The following MTSS1 variants were observed in gnomAD, a reference collection of about 807,000 sequenced individuals.
MTSS1 encodes protein MTSS 1.
Under a neutral mutation model 79.0 loss-of-function variants are expected in MTSS1, and 18 were observed. The observed-to-expected ratio is 0.23, with a 90% CI of 0.16 to 0.34. The LOEUF (loss-of-function observed/expected upper bound fraction) is 0.34. Among genes scored for constraint, MTSS1 ranks in the 10% least tolerant of loss-of-function variants. The pLI is 1.00. For synonymous variants in MTSS1, 341 were observed against 368.6 expected (o/e 0.93, Z 0.86); for missense variants, 815 against 986.2 (o/e 0.83, Z 2.33).
At chr8:124,673,932 C>T (rs1824783706) in intron 3 of MTSS1, among the ~76,000 whole-genome samples, 1 of 152,116 alleles carries the variant, frequency 6.6e-6, no homozygotes, top group Admixed American at 6.5e-5. Flanking sequence ...ATGGCCCTTG[C>T]TCCAGACACA....
intron 10 of MTSS1, 81 bp from the exon 11 acceptor site, chr8:124,557,956 G>T: frequency 1.8e-6 from 2 of 1,106,272 alleles, no homozygotes; most frequent in South Asian, 1.6e-5. Context: ...AAATGGCATT[G>T]ACATTCAAGG....
At chr8:124,640,591 T>C (rs1173762509) in intron 3 of MTSS1, among the ~76,000 whole-genome samples, 1 of 152,240 alleles carries the variant, frequency 6.6e-6, no homozygotes, top group Non-Finnish European at 1.5e-5. Flanking sequence ...TCACCCAGGC[T>C]GGAGTGCAAT....
chr8:124,564,133 A>C, intron 9 of MTSS1, among the ~76,000 whole-genome samples: 1 of 148,680 alleles, frequency 6.7e-6, no homozygotes, highest in Non-Finnish European at 1.5e-5. Flanking sequence ...CGATCTCAAA[A>C]AAAAAAAAAA....
intron 12 of MTSS1, 160 bp from the exon 13 acceptor site, chr8:124,556,064 C>T (rs1823670316): frequency 6.5e-7 from 1 of 1,542,034 alleles, no homozygotes; most frequent in Admixed American, 2.0e-5. Context: ...CTCTCATTCC[C>T]ACACAAGGTT....
chr8:124,674,362 T>G (rs569849616), intron 3 of MTSS1, among the ~76,000 whole-genome samples: 8 of 152,324 alleles, frequency 5.3e-5, no homozygotes, highest in Non-Finnish European at 1.0e-4. Flanking sequence ...ATGCATAATC[T>G]GCATCAGCGT....
intron 3 of MTSS1, among the ~76,000 whole-genome samples, chr8:124,644,505 C>T (rs1003446950): frequency 3.9e-5 from 6 of 152,330 alleles, no homozygotes; most frequent in African/African-American, 1.4e-4. Context: ...CATATTACCA[C>T]AATTTAATTT....
At chr8:124,705,385 C>T (rs1159664792) in intron 1 of MTSS1, among the ~76,000 whole-genome samples, 1 of 152,152 alleles carries the variant, frequency 6.6e-6, no homozygotes, top group African/African-American at 2.4e-5. Flanking sequence ...GCATGAGAAT[C>T]ACTTGAGCCT....
At position 124,683,857 on chromosome 8, in the gene MTSS1, A is replaced by C. The variant is rs1208900919; in HGVS notation, c.208+15669T>G. Among the ~76,000 whole-genome samples, 1 of 152,214 alleles carries C rather than the reference A, an allele frequency of 6.6e-6. No individual in the cohort carries two copies. ...CCAAGTGGATGGTGGTGAGGCCATA[A>C]CAAGCCGGTACCCACATGCGGTGGG... On this transcript the variant is annotated intron_variant, in intron 3 of 13. Coordinates refer to ENST00000518547, the MANE Select transcript of MTSS1 (RefSeq NM_014751.6). This position sits in a 1 kb window ranked among gnomAD's most constrained non-coding sequence, Gnocchi z 4.5.
intron 1 of MTSS1, among the ~76,000 whole-genome samples, chr8:124,717,217 C>T (rs1030320478): frequency 6.6e-6 from 1 of 152,056 alleles, no homozygotes; most frequent in South Asian, 2.1e-4. Flanking sequence ...CCAGACTGGG[C>T]ATGGTGGCTC....
At chr8:124,669,944 G>A (rs1823811518) in intron 3 of MTSS1, among the ~76,000 whole-genome samples, 1 of 152,168 alleles carries the variant, frequency 6.6e-6, no homozygotes, top group African/African-American at 2.4e-5. Flanking sequence ...ATTCATTCAT[G>A]TAAACTTCTT....
intron 3 of MTSS1, among the ~76,000 whole-genome samples, chr8:124,602,207 A>ATATATATACATATATATATACAT: frequency 7.0e-6 from 1 of 142,222 alleles, no homozygotes; most frequent in African/African-American, 2.7e-5. Context: ...ATATATATAT[A>ATATATATACATATATATATACAT]ATTTTTTTTT....
intron 5 of MTSS1, among the ~76,000 whole-genome samples, chr8:124,587,966 C>T (rs1216861032): frequency 6.6e-6 from 1 of 152,174 alleles, no homozygotes; most frequent in East Asian, 1.9e-4. Flanking sequence ...GACACGACTT[C>T]AGGAGTCTGT....
At chr8:124,726,859 C>T (rs189837628) in intron 1 of MTSS1, among the ~76,000 whole-genome samples, 10 of 152,272 alleles carry the variant, frequency 6.6e-5, no homozygotes, top group Admixed American at 1.3e-4. Context: ...TGGGGCTGGG[C>T]CAGAGCCAAA....
chr8:124,605,027 A>G (rs1440823155), intron 3 of MTSS1, among the ~76,000 whole-genome samples: 6 of 152,238 alleles, frequency 3.9e-5, no homozygotes, highest in Non-Finnish European at 7.3e-5. Flanking sequence ...ACACGCTCAC[A>G]CTATGGGAAA....
At chr8:124,622,094 G>GAGAGAA (rs1554678118) in intron 3 of MTSS1, among the ~76,000 whole-genome samples, 1,639 of 150,156 alleles carry the variant, frequency 0.011, 48 homozygotes, top group East Asian at 0.1. Flanking sequence ...GAGAGAGAGA[G>GAGAGAA]AGAATATGAA....
chr8:124,563,131 T>G (rs1453368615), intron 9 of MTSS1, 139 bp from the exon 10 acceptor site: 13 of 726,590 alleles, frequency 1.8e-5, no homozygotes, highest in Non-Finnish European at 2.7e-5. Flanking sequence ...CTCTCTGCCC[T>G]GGAGATGCAG....
rs555750945 is a variant in MTSS1 at position 124,627,422 on chromosome 8, A to T, written c.209-36187T>A. On this transcript the variant is annotated intron_variant, in intron 3 of 13. Transcript: ENST00000518547. ...AGGCATCTATCCTATAAAGGAGGAG[A>T]CCAAGGCTCACGCAGGTTAAGTTGC... Among the ~76,000 whole-genome samples the T allele has an allele frequency of 2.6e-5, 4 of 152,348 alleles. No individual in the cohort carries two copies. The South Asian group carries it at 8.3e-4, about 32-fold the overall frequency.
At chr8:124,602,207 A>ATAC in intron 3 of MTSS1, among the ~76,000 whole-genome samples, 1 of 142,220 alleles carries the variant, frequency 7.0e-6, no homozygotes, top group African/African-American at 2.7e-5. Context: ...ATATATATAT[A>ATAC]ATTTTTTTTT....
chr8:124,604,090 G>A (rs755682461), intron 3 of MTSS1, among the ~76,000 whole-genome samples: 1 of 152,156 alleles, frequency 6.6e-6, no homozygotes, highest in South Asian at 2.1e-4. Flanking sequence ...GCAGGCGCCT[G>A]TAATCCCAGC....
Sources: allele counts gnomAD v4.1 joint callset (sites outside exome capture counted in the v4.1 genomes callset), GRCh38; gene constraint gnomAD v4.1.1; non-coding constraint Gnocchi (gnomAD v3.1); transcripts MANE v1.5; gene names NCBI Gene and HGNC (gene_info 2026-07-23, HGNC 2026-07-21).